Variants in DNAH5 observed in about 807,000 individuals in gnomAD.
DNAH5 encodes dynein axonemal heavy chain 5, also known as axonemal beta dynein heavy chain 5.
A neutral mutation model predicts 518.2 loss-of-function variants in DNAH5; 372 were observed. The observed-to-expected ratio is 0.72, with a 90% CI of 0.66 to 0.78. The LOEUF is 0.78. Ranked by LOEUF, DNAH5 falls within the 30% of genes least tolerant of loss-of-function variation. The pLI is 0.00. For synonymous variants in DNAH5, 2,039 were observed against 2,025.9 expected, an observed-to-expected ratio of 1.01 and a Z score of -0.17; for missense variants, 5,523 against 5,687.0, an observed-to-expected ratio of 0.97 and a Z score of 0.93.
intron 27 of DNAH5, among the ~76,000 whole-genome samples, chr5:13,864,855 T>C (rs1434870658): frequency 6.6e-6 from 1 of 152,138 alleles, no homozygotes; most frequent in Non-Finnish European, 1.5e-5. Flanking sequence ...TTCCAACCCT[T>C]CACAACTATT....
chr5:13,843,698 C>A (rs1236395673), intron 32 of DNAH5, among the ~76,000 whole-genome samples: 1 of 152,182 alleles, frequency 6.6e-6, no homozygotes, highest in Non-Finnish European at 1.5e-5. Context: ...ACCTCCCTTG[C>A]ACATGCTCTT....
rs1417243684 is a variant in DNAH5, at chr5:13,829,516, A to G, written c.6438T>C (p.Ser2146=). The part of the protein sequence containing the change: ...TLYKLCEEQL[S]KQVHYDFGLR... Reference sequence around the variant, plus strand: ...GACCTCCAGGATGACACACCTGCTTAGAAAGCTGCTCCTCACACAGTTTGT... The same window carrying G: ...GACCTCCAGGATGACACACCTGCTTGGAAAGCTGCTCCTCACACAGTTTGT... Residue 2146 remains serine, a synonymous_variant, in exon 38 of 79, where the codon TCT becomes TCC. Coordinates refer to ENST00000265104, the MANE Select transcript of DNAH5 (RefSeq NM_001369.3). The G allele has an allele frequency of 1.2e-6, 2 of 1,614,194 alleles. No homozygotes were observed. Among genetic ancestry groups the G allele is most frequent in the East Asian group, 4.5e-5 (2 of 44,882 alleles).
intron 65 of DNAH5, among the ~76,000 whole-genome samples, chr5:13,738,349 C>T (rs1747888708): frequency 6.6e-6 from 1 of 151,938 alleles, no homozygotes; most frequent in African/African-American, 2.4e-5. Context: ...TAAGAGAGTT[C>T]CATTATTGTT....
At chr5:13,828,680 G>A (rs375393747) in intron 38 of DNAH5, among the ~76,000 whole-genome samples, 1 of 152,206 alleles carries the variant, frequency 6.6e-6, no homozygotes, top group South Asian at 2.1e-4. Flanking sequence ...AAGGAACTAT[G>A]CACAGCCTGT....
At chr5:13,700,391 T>C (rs573226475) in intron 78 of DNAH5, among the ~76,000 whole-genome samples, 150 of 152,352 alleles carry the variant, frequency 9.8e-4, no homozygotes, top group Non-Finnish European at 1.9e-3. Flanking sequence ...TAATATTTCA[T>C]GAGTATCCAC....
chr5:13,774,531 G>C (rs1300136374), intron 55 of DNAH5, among the ~76,000 whole-genome samples: 2 of 152,162 alleles, frequency 1.3e-5, no homozygotes, highest in African/African-American at 4.8e-5. Context: ...TTCCTGGGGA[G>C]AGACTCTGGA....
intron 43 of DNAH5, 124 bp from the exon 44 acceptor site, chr5:13,811,947 C>T: frequency 1.2e-6 from 1 of 800,168 alleles, no homozygotes. Flanking sequence ...ATACCACACA[C>T]TATGTTCCAG....
At chr5:13,935,519 A>T (rs1778842197) in intron 1 of DNAH5, among the ~76,000 whole-genome samples, 1 of 152,210 alleles carries the variant, frequency 6.6e-6, no homozygotes, top group Non-Finnish European at 1.5e-5. Flanking sequence ...ATGTAAACTG[A>T]TTGTTCTATT....
intron 47 of DNAH5, among the ~76,000 whole-genome samples, chr5:13,800,084 C>G (rs1758513944): frequency 6.6e-6 from 1 of 152,126 alleles, no homozygotes; most frequent in Admixed American, 6.6e-5. Flanking sequence ...CTGGGAGGGT[C>G]TTTCTTCCCT....
At chr5:13,884,379 C>G (rs1308562038) in intron 19 of DNAH5, among the ~76,000 whole-genome samples, 1 of 152,108 alleles carries the variant, frequency 6.6e-6, no homozygotes, top group Non-Finnish European at 1.5e-5. Context: ...AAACGTACTA[C>G]CAATTTTCAT....
At chr5:13,885,539 C>T (rs1772297228) in intron 18 of DNAH5, among the ~76,000 whole-genome samples, 1 of 152,140 alleles carries the variant, frequency 6.6e-6, no homozygotes, top group African/African-American at 2.4e-5. Context: ...GTGCTACCTC[C>T]CACCAATAAC....
chr5:13,833,589 G>A (rs1253895282), intron 35 of DNAH5, among the ~76,000 whole-genome samples: 1 of 152,186 alleles, frequency 6.6e-6, no homozygotes, highest in Non-Finnish European at 1.5e-5. Context: ...CCAAACAAGG[G>A]AATGAGGGAG....
chr5:13,891,754 T>C (rs1316931097), intron 16 of DNAH5, among the ~76,000 whole-genome samples: 1 of 152,226 alleles, frequency 6.6e-6, no homozygotes, highest in African/African-American at 2.4e-5. Flanking sequence ...AAGTGAAAGT[T>C]CCCTATTTTT....
intron 21 of DNAH5, 92 bp from the exon 22 acceptor site, chr5:13,876,909 G>T: frequency 3.8e-6 from 5 of 1,318,944 alleles, no homozygotes; most frequent in Non-Finnish European, 5.3e-6. Flanking sequence ...GTAAAGCAAG[G>T]ACTTCTGAAA....
upstream of DNAH5, among the ~76,000 whole-genome samples, chr5:13,949,315 C>T (rs1026000): frequency 0.96 from 146,140 of 152,264 alleles, 70,211 homozygotes; most frequent in East Asian, 0.99. Context: ...TATACAATTG[C>T]AATTTTAAAA....
intron 75 of DNAH5, 50 bp from the exon 76 acceptor site, chr5:13,708,385 T>C (rs1743069903): frequency 1.9e-6 from 3 of 1,587,838 alleles, no homozygotes; most frequent in East Asian, 2.2e-5. Context: ...TACTAAGGAT[T>C]TTATAGACCT....
At chr5:13,713,067 A>G (rs1472662999) in intron 75 of DNAH5, among the ~76,000 whole-genome samples, 1 of 150,972 alleles carries the variant, frequency 6.6e-6, no homozygotes, top group Non-Finnish European at 1.5e-5. Context: ...GAACCAACCC[A>G]TCAATTAACG....
rs1018026823 is a variant in DNAH5 at position 13,855,108 on chromosome 5, C to T, written c.4951-4293G>A. 1.7e-4 allele frequency among the ~76,000 whole-genome samples: 26 copies of T among 152,064 alleles called. 1 individual carries two copies. Among genetic ancestry groups the T allele is most frequent in the African/African-American group, 6.3e-4 (26 of 41,458 alleles). On this transcript the variant is annotated intron_variant, in intron 30 of 78. Coordinates refer to ENST00000265104, the MANE Select transcript of DNAH5 (RefSeq NM_001369.3). ...AAAATGCTTCTCTCTCACTATGATG[C>T]AGAATATTACTCTGAACACCTACCT... is the stretch of plus-strand genomic sequence containing the variant.
At chr5:13,906,580 C>G (rs1039643080) in intron 12 of DNAH5, among the ~76,000 whole-genome samples, 1 of 152,168 alleles carries the variant, frequency 6.6e-6, no homozygotes, top group Non-Finnish European at 1.5e-5. Context: ...TAACTACGAA[C>G]TAGGCCACGG....
Sources: allele counts gnomAD v4.1 joint callset (sites outside exome capture counted in the v4.1 genomes callset), GRCh38; gene constraint gnomAD v4.1.1; transcripts MANE v1.5; gene names NCBI Gene and HGNC (gene_info 2026-07-23, HGNC 2026-07-21).